ABCF1: variants seen among roughly 807,000 people sequenced by gnomAD.
The protein encoded by ABCF1 is ATP binding cassette subfamily F member 1.
A neutral mutation model predicts 126.3 loss-of-function variants in ABCF1; 73 were observed. The observed-to-expected ratio is 0.58, with a 90% CI of 0.48 to 0.70. The LOEUF is 0.70. Among genes scored for constraint, ABCF1 ranks in the 30% least tolerant of loss-of-function variants. The pLI is 0.00. For synonymous variants in ABCF1, 345 were observed against 396.4 expected, an observed-to-expected ratio of 0.87 and a Z score of 1.54; for missense variants, 786 against 1,057.5, an observed-to-expected ratio of 0.74 and a Z score of 3.56.
rs200458157 is a variant in ABCF1, at chr6:30,583,900, C to A, written c.1102+10C>A. The A allele has an allele frequency of 8.7e-6, 14 of 1,613,070 alleles. No homozygotes were observed. Among genetic ancestry groups the A allele is most frequent in the Non-Finnish European group, 1.1e-5 (13 of 1,179,624 alleles). On this transcript the variant is annotated intron_variant, in intron 12 of 24. Transcript: ENST00000326195. The surrounding 1 kb of genome is among the most constrained non-coding windows in gnomAD (Gnocchi z 4.1). ...TTGCTGTGTGAGCAGGGTGAGACCA[C>A]TGGGGAGAAAAGGGGCTTGGTGGGG...
chr6:30,578,411 G>C (rs1240158353), intron 5 of ABCF1, 26 bp downstream of exon 5: 1 of 1,614,138 alleles, frequency 6.2e-7, no homozygotes, highest in Admixed American at 1.7e-5. Context: ...GGTAAACGGA[G>C]ACTCCAAGGA....
Position 30,583,030 on chromosome 6 carries a change from CTG to C in ABCF1, c.793-33_793-32del. On this transcript the variant is annotated intron_variant, in intron 9 of 24. Coordinates refer to ENST00000326195, the MANE Select transcript of ABCF1 (RefSeq NM_001025091.2). This position sits in a 1 kb window ranked among gnomAD's most constrained non-coding sequence, Gnocchi z 4.1. ...TTCATGGTGATGGGAAACTGGTAGA[CTG>C]TGGCTTCAAATGTAGTTTTTCCTAC... 1.3e-6 allele frequency: 2 copies of C among 1,589,776 alleles called. No individual in the cohort carries two copies. The highest frequency in any genetic ancestry group is 1.1e-5 in the South Asian group (1 of 89,822).
In ABCF1 at chr6:30,586,616, T is replaced by A. The variant is rs897733947; in HGVS notation, c.1961-25T>A. On this transcript the variant is annotated intron_variant, in intron 19 of 24. Transcript: ENST00000326195. The surrounding 1 kb of genome is among the most constrained non-coding windows in gnomAD (Gnocchi z 4.9). The stretch of plus-strand genomic sequence containing the variant: ...CAGGGAGAGTCTCTGGGGACCTCTT[T>A]GACCACCTGTCTTCCATCTTGCAGT... 3.1e-6 allele frequency: 5 copies of A among 1,613,294 alleles called. No individual in the cohort carries two copies. In the Admixed American group the frequency reaches 8.3e-5, roughly 27 times the overall value.
rs1248735123 is a variant in ABCF1 at position 30,585,998 on chromosome 6, A to G, written c.1713+7A>G. On this transcript the variant is annotated splice_region_variant and intron_variant, in intron 17 of 24. Coordinates refer to ENST00000326195, the MANE Select transcript of ABCF1 (RefSeq NM_001025091.2). ...GAAGTCCACCAAGCAGGCGGTGAGC[A>G]CCTGAGGGACTTCTGGGCTGGGGGC... The G allele has an allele frequency of 6.2e-7, 1 of 1,604,888 alleles. No individual in the cohort carries two copies. The highest frequency in any genetic ancestry group is 1.7e-5 in the Admixed American group (1 of 58,588).
At position 30,578,202 on chromosome 6, in the gene ABCF1, G is replaced by A. The variant is rs373329306; in HGVS notation, c.343G>A (p.Val115Ile). The A allele has an allele frequency of 7.1e-5, 115 of 1,613,794 alleles. 1 individual carries two copies. The African/African-American group carries it at 1.5e-3, about 21-fold the overall frequency. ...GCCAACCAGTGATGAGGAGGATGAA[G>A]GTAAATGACCTGAGGGGGAATGGGT... The part of the protein sequence containing the change: ...SVPTSDEEDE[V>I]PAPKPRGGKK... Residue 115 changes from valine (V) to isoleucine (I), a missense_variant and splice_region_variant, in exon 4 of 25, where the codon GTA becomes ATA. Val to Ile is a conservative substitution (Grantham distance 29). Transcript: ENST00000326195.
chr6:30,586,886 G>A lies in ABCF1; in HGVS notation c.2031+175G>A, dbSNP rs898227291. On this transcript the variant is annotated intron_variant, in intron 20 of 24. Transcript: ENST00000326195. The surrounding 1 kb of genome is among the most constrained non-coding windows in gnomAD (Gnocchi z 4.9). Reference sequence around the variant, plus strand: ...GGAGGAAAGAGCTTAGATCAGTTCAGGGGGGAGAGCTAAGAGAATTAAGAT... The same window carrying A: ...GGAGGAAAGAGCTTAGATCAGTTCAAGGGGGAGAGCTAAGAGAATTAAGAT... Among the ~76,000 whole-genome samples, 1 of 152,162 alleles carries A rather than the reference G, an allele frequency of 6.6e-6. No individual in the cohort carries two copies. The highest frequency in any genetic ancestry group is 1.5e-5 in the Non-Finnish European group (1 of 68,024).
At position 30,580,448 on chromosome 6, in the gene ABCF1, AAAG is replaced by A; in HGVS notation, c.616_618del (p.Glu206del). On this transcript the variant is annotated inframe_deletion, in exon 8 of 25. Coordinates refer to ENST00000326195, the MANE Select transcript of ABCF1 (RefSeq NM_001025091.2). ...TGCTCTGGACAATGAAGAGGAGGAT[AAAG>A]AAGAAGAAATTATAAAGGAAAAGGA... 2 of 1,536,310 alleles carry A rather than the reference AAAG, an allele frequency of 1.3e-6. No homozygotes were observed. Among genetic ancestry groups the A allele is most frequent in the Non-Finnish European group, 1.7e-6 (2 of 1,154,614 alleles).
rs933349143 is a variant in ABCF1 at position 30,582,455 on chromosome 6, A to G, written c.740A>G (p.Asp247Gly). The change falls in exon 9 of 25, where the codon GAT (aspartate) becomes GGT (glycine). Residue 247 changes from aspartate to glycine, a missense_variant. Coordinates refer to ENST00000326195, the MANE Select transcript of ABCF1 (RefSeq NM_001025091.2). ...EEEEGGESKA[D>G]DPYAHLSKKE... ...GAGGAAGGAGGAGAGTCTAAGGCAG[A>G]TGATCCCTATGCTCATCTTAGCAAA... is the stretch of plus-strand genomic sequence containing the variant. The G allele has an allele frequency of 8.7e-6, 14 of 1,613,002 alleles. No individual in the cohort carries two copies. Among genetic ancestry groups the G allele is most frequent in the Non-Finnish European group, 1.2e-5 (14 of 1,179,990 alleles).
At chr6:30,580,208 G>T (rs1489074847) in intron 7 of ABCF1, among the ~76,000 whole-genome samples, 198 bp from the exon 8 acceptor site, 2 of 151,950 alleles carry the variant, frequency 1.3e-5, no homozygotes, top group African/African-American at 4.8e-5. Flanking sequence ...TTAGCCGGGC[G>T]TGGTGGCGGG....
At chr6:30,589,186 A>G (rs1802307788) in intron 20 of ABCF1, among the ~76,000 whole-genome samples, 1 of 151,962 alleles carries the variant, frequency 6.6e-6, no homozygotes. Context: ...TTTAGTAGAG[A>G]CAGGGTTTCA....
intron 3 of ABCF1, 73 bp from the exon 4 acceptor site, chr6:30,578,003 G>C: frequency 6.2e-7 from 1 of 1,613,688 alleles, no homozygotes; most frequent in Non-Finnish European, 8.5e-7. Flanking sequence ...CAGCTGATGG[G>C]GAACCCTCTG....
chr6:30,579,802 G>T, intron 6 of ABCF1, 129 bp from the exon 7 acceptor site: 1 of 823,848 alleles, frequency 1.2e-6, no homozygotes. Flanking sequence ...TTATCGGGAT[G>T]CAACCTGTCG....
At chr6:30,578,999 CA>C (rs899905808) in intron 6 of ABCF1, among the ~76,000 whole-genome samples, 17 of 144,678 alleles carry the variant, frequency 1.2e-4, no homozygotes, top group Admixed American at 6.9e-4. Context: ...GACTCAGTCT[CA>C]AAAAAAAAAC....
intron 20 of ABCF1, among the ~76,000 whole-genome samples, chr6:30,587,366 C>T (rs957681173): frequency 6.6e-6 from 1 of 151,860 alleles, no homozygotes; most frequent in African/African-American, 2.4e-5. Flanking sequence ...CAGCCTGAGC[C>T]CAGTGTGGTG....
At chr6:30,578,666 T>C in intron 6 of ABCF1, 89 bp downstream of exon 6, 1 of 1,119,860 alleles carries the variant, frequency 8.9e-7, no homozygotes, top group Non-Finnish European at 1.3e-6. Context: ...AACTAGCTCT[T>C]CTCGGTCTGT....
At chr6:30,587,803 C>T (rs1407958529) in intron 20 of ABCF1, among the ~76,000 whole-genome samples, 7 of 148,506 alleles carry the variant, frequency 4.7e-5, no homozygotes, top group South Asian at 2.1e-4. Flanking sequence ...TAGCCGAGGT[C>T]GTGCCACTGC....
Position 30,579,980 on chromosome 6 carries a change from A to G in ABCF1, c.539A>G (p.Glu180Gly). ...GCACTCAAGGGCAAAAAGGGAAAGG[A>G]AGAGAAGTCAAAAGGGAAGGCTAAG... Reference protein sequence around the residue: ...QPALKGKKGKEEKSKGKAKPQ... With the variant: ...QPALKGKKGKGEKSKGKAKPQ... Residue 180 changes from glutamate to glycine, a missense_variant, in exon 7 of 25, where the codon GAA becomes GGA. Around this residue, in one of 4 missense-constraint regions of ABCF1, gnomAD observed 322 missense variants for 322.9 expected, o/e 1.00. Coordinates refer to ENST00000326195, the MANE Select transcript of ABCF1 (RefSeq NM_001025091.2). The G allele has an allele frequency of 6.2e-7, 1 of 1,612,758 alleles. No individual in the cohort carries two copies. The highest frequency in any genetic ancestry group is 8.5e-7 in the Non-Finnish European group (1 of 1,179,900).
rs1217460386 is a variant in ABCF1, at chr6:30,574,937, T to G, written c.74-2472T>G. On this transcript the variant is annotated intron_variant, in intron 1 of 24. Coordinates refer to ENST00000326195, the MANE Select transcript of ABCF1 (RefSeq NM_001025091.2). This position sits in a 1 kb window ranked among gnomAD's most constrained non-coding sequence, Gnocchi z 4.3. Reference sequence around the variant, plus strand: ...AGCCTTTAATTATTGGAATTGTCTCTCGTTAACTCTAGTTTTTTGGAGAAG... The same window carrying G: ...AGCCTTTAATTATTGGAATTGTCTCGCGTTAACTCTAGTTTTTTGGAGAAG... Among the ~76,000 whole-genome samples, 3 of 152,172 alleles carry G rather than the reference T, an allele frequency of 2.0e-5. No individual in the cohort carries two copies. Among genetic ancestry groups the G allele is most frequent in the African/African-American group, 7.2e-5 (3 of 41,448 alleles).
rs368178301 is a variant in ABCF1, at chr6:30,583,790, G to C, written c.1017-15G>C. On this transcript the variant is annotated splice_polypyrimidine_tract_variant and intron_variant, in intron 11 of 24. Transcript: ENST00000326195. The surrounding 1 kb of genome is among the most constrained non-coding windows in gnomAD (Gnocchi z 4.1). ...TCTCAGTGGTGGCCAGGTCCTAATA[G>C]CTTTTATTCCCCAGCAAGGGCAAGA... 3 of 1,613,976 alleles carry C rather than the reference G, an allele frequency of 1.9e-6. No homozygotes were observed. Among genetic ancestry groups the C allele is most frequent in the African/African-American group, 2.7e-5 (2 of 74,916 alleles).
Sources: gnomAD v4.1 joint callset for allele counts (sites outside exome capture counted in the v4.1 genomes callset) on GRCh38, gnomAD v4.1.1 for gene constraint, gnomAD v4.1.1 regional missense constraint, Gnocchi (gnomAD v3.1) non-coding constraint, MANE v1.5 for transcripts, NCBI Gene and HGNC (gene_info 2026-07-23, HGNC 2026-07-21) for gene names.